Variants in IGSF21 observed in about 807,000 individuals in gnomAD.
The protein encoded by IGSF21 is immunoglobin superfamily member 21.
IGSF21 carries 28 observed loss-of-function variants against 46.8 expected under a neutral mutation model. The ratio of observed to expected loss-of-function variants is 0.60; its 90% confidence interval spans 0.44 to 0.82. IGSF21 has a LOEUF of 0.82. IGSF21 is among the 40% of genes least tolerant of loss of function. The pLI is 0.00. For missense variants in IGSF21, 624 were observed against 665.5 expected (o/e 0.94, Z 0.69); for synonymous variants, 284 against 273.6 (o/e 1.04, Z -0.38).
intron 6 of IGSF21, among the ~76,000 whole-genome samples, chr1:18,372,866 GTGGATGGA>G (rs34103654): frequency 4.3e-5 from 5 of 115,852 alleles, no homozygotes; most frequent in Admixed American, 3.8e-4. Context: ...GGATGGATGG[GTGGATGGA>G]TGGATGGATG....
intron 3 of IGSF21, among the ~76,000 whole-genome samples, chr1:18,313,242 C>G (rs1425651954): frequency 6.6e-6 from 1 of 152,156 alleles, no homozygotes; most frequent in Non-Finnish European, 1.5e-5. Context: ...TTGCCCTTGC[C>G]CCACCTCAGG....
intron 1 of IGSF21, chr1:18,113,533 T>C (rs2086161379): frequency 1.3e-5 from 2 of 152,132 alleles, no homozygotes; most frequent in Non-Finnish European, 2.9e-5. Flanking sequence ...GTTTGGTTTT[T>C]CCACCAGCCT....
At chr1:18,135,861 T>A (rs916195054) in intron 1 of IGSF21, among the ~76,000 whole-genome samples, 1 of 152,162 alleles carries the variant, frequency 6.6e-6, no homozygotes, top group Non-Finnish European at 1.5e-5. Flanking sequence ...TGGTTGAACT[T>A]GTTTACAGTC....
intron 3 of IGSF21, among the ~76,000 whole-genome samples, chr1:18,297,347 C>A (rs1404974927): frequency 6.6e-6 from 1 of 152,088 alleles, no homozygotes; most frequent in Admixed American, 6.5e-5. Flanking sequence ...TCCAGGCCCC[C>A]GTTCCTTCCC....
intron 3 of IGSF21, among the ~76,000 whole-genome samples, chr1:18,304,187 G>C (rs996817905): frequency 8.5e-5 from 13 of 152,196 alleles, no homozygotes; most frequent in African/African-American, 3.1e-4. Flanking sequence ...GAGGAGAGGG[G>C]CTCCTTCCTG....
chr1:18,354,336 C>T (rs2085992031), intron 4 of IGSF21, among the ~76,000 whole-genome samples: 1 of 151,540 alleles, frequency 6.6e-6, no homozygotes, highest in Non-Finnish European at 1.5e-5. Context: ...CTCTTTTGAG[C>T]AGGTTCTTGA....
At chr1:18,289,629 G>A (rs529229610) in intron 2 of IGSF21, among the ~76,000 whole-genome samples, 2 of 152,228 alleles carry the variant, frequency 1.3e-5, no homozygotes, top group African/African-American at 2.4e-5. Context: ...CTCCACCTGG[G>A]CACTGTTGAC....
At chr1:18,202,062 T>C (rs922920783) in intron 1 of IGSF21, among the ~76,000 whole-genome samples, 1 of 152,208 alleles carries the variant, frequency 6.6e-6, no homozygotes, top group Non-Finnish European at 1.5e-5. Context: ...CCAGCTCATT[T>C]CTGCTTCCAC....
In IGSF21 at chr1:18,316,756, T is replaced by C. The variant is rs536995052; in HGVS notation, c.306-18136T>C. ...TGTAAAATGAGGATGAGAGTAATAG[T>C]ACATAATATAGTCATACTACCTCAT... On this transcript the variant is annotated intron_variant, in intron 3 of 9. Coordinates refer to ENST00000251296, the MANE Select transcript of IGSF21 (RefSeq NM_032880.5). Among the ~76,000 whole-genome samples the C allele has an allele frequency of 5.9e-5, 9 of 152,334 alleles. No individual in the cohort carries two copies. In the South Asian group the frequency reaches 1.7e-3, roughly 28 times the overall value.
intron 1 of IGSF21, among the ~76,000 whole-genome samples, chr1:18,157,088 C>A (rs1259940252): frequency 7.9e-5 from 12 of 151,894 alleles, no homozygotes. Flanking sequence ...TGCACCACTG[C>A]ATGCACTCCA....
intron 4 of IGSF21, among the ~76,000 whole-genome samples, chr1:18,342,032 G>A (rs1191895723): frequency 6.8e-6 from 1 of 147,614 alleles, no homozygotes. Context: ...TTTTTATTAA[G>A]TGTGCCTGGT....
Position 18,365,788 on chromosome 1 carries a change from A to C in IGSF21, c.1015+91A>C. On this transcript the variant is annotated intron_variant, in intron 6 of 9. Transcript: ENST00000251296. The surrounding 1 kb of genome is among the most constrained non-coding windows in gnomAD (Gnocchi z 4.8). ...TAGGGTTCCTGGGCTGAGGACAGCC[A>C]TGGAAAGGGGGAGGAGATGGAGCAA... 1 of 1,094,276 alleles carries C rather than the reference A, an allele frequency of 9.1e-7. No individual in the cohort carries two copies. Among genetic ancestry groups the C allele is most frequent in the Non-Finnish European group, 1.3e-6 (1 of 764,510 alleles). The allele number at this position is 1,094,276 out of a possible 1,614,324, so 67.8% of individuals were successfully genotyped here. A position where few individuals can be genotyped will look rare whatever the true frequency, so the allele number is the denominator to read the frequency against.
chr1:18,304,155 G>A (rs1336300570), intron 3 of IGSF21, among the ~76,000 whole-genome samples: 1 of 152,322 alleles, frequency 6.6e-6, no homozygotes, highest in East Asian at 1.9e-4. Context: ...GTGGCCCCTA[G>A]GGCCATAGCC....
chr1:18,302,426 G>A (rs574550301), intron 3 of IGSF21, among the ~76,000 whole-genome samples: 12 of 152,250 alleles, frequency 7.9e-5, no homozygotes, highest in Admixed American at 2.6e-4. Context: ...ACAGAGGACC[G>A]GCACCATCTC....
rs114745550 is a variant in IGSF21, at chr1:18,186,413, C to G, written c.71-41485C>G. 6.2e-3 allele frequency among the ~76,000 whole-genome samples: 944 copies of G among 152,238 alleles called. 15 individuals carry two copies. The highest frequency in any genetic ancestry group is 0.021 in the African/African-American group (882 of 41,530). Reference sequence around the variant, plus strand: ...CTCAAAGCCGGGCACCTGGAAATCACTCCTCATACCTCCTTCTTCACCCTC... The same window carrying G: ...CTCAAAGCCGGGCACCTGGAAATCAGTCCTCATACCTCCTTCTTCACCCTC... On this transcript the variant is annotated intron_variant, in intron 1 of 9. Coordinates refer to ENST00000251296, the MANE Select transcript of IGSF21 (RefSeq NM_032880.5).
chr1:18,251,160 G>A (rs747347907), intron 2 of IGSF21, among the ~76,000 whole-genome samples: 4 of 152,130 alleles, frequency 2.6e-5, no homozygotes, highest in Admixed American at 6.5e-5. Flanking sequence ...AAGTCAGGGC[G>A]GTGACAGGGC....
At position 18,354,811 on chromosome 1, in the gene IGSF21, C is replaced by T. The variant is rs145900813; in HGVS notation, c.425-7304C>T. On this transcript the variant is annotated intron_variant, in intron 4 of 9. Transcript: ENST00000251296. Reference sequence around the variant, plus strand: ...ACATTGTTCTCAGCCAAGAGAGGGGCGTGGGCCATTGGAGAGATAATATAA... The same window carrying T: ...ACATTGTTCTCAGCCAAGAGAGGGGTGTGGGCCATTGGAGAGATAATATAA... Among the ~76,000 whole-genome samples, 83 of 152,288 alleles carry T rather than the reference C, an allele frequency of 5.5e-4. 1 individual carries two copies. The highest frequency in any genetic ancestry group is 4.6e-4 in the African/African-American group (19 of 41,558).
chr1:18,137,611 C>G (rs1385666562), intron 1 of IGSF21, among the ~76,000 whole-genome samples: 1 of 152,094 alleles, frequency 6.6e-6, no homozygotes, highest in Non-Finnish European at 1.5e-5. Context: ...CAGTGCAGGA[C>G]AAAGCCCACT....
chr1:18,187,617 T>G (rs777236668), intron 1 of IGSF21, among the ~76,000 whole-genome samples: 1 of 152,148 alleles, frequency 6.6e-6, no homozygotes, highest in East Asian at 1.9e-4. Flanking sequence ...CCACAACACA[T>G]AGGAATTATG....
Sources: gnomAD v4.1 joint callset for allele counts (sites outside exome capture counted in the v4.1 genomes callset) on GRCh38, gnomAD v4.1.1 for gene constraint, Gnocchi (gnomAD v3.1) non-coding constraint, MANE v1.5 for transcripts, NCBI Gene and HGNC (gene_info 2026-07-23, HGNC 2026-07-21) for gene names.